The following UGT1A10 variants were observed in gnomAD, a reference collection of about 807,000 sequenced individuals.
UGT1A10 encodes UDP-glucuronosyltransferase 1A10.
In UGT1A10, 49 loss-of-function variants were observed where a neutral mutation model predicts 45.8. The ratio of observed to expected loss-of-function variants is 1.07; its 90% CI spans 0.85 to 1.36. UGT1A10 has a LOEUF of 1.36. Among genes scored for constraint, UGT1A10 ranks in the 40% most tolerant of loss-of-function variants. The pLI is 0.00. For missense variants in UGT1A10, 745 were observed against 668.6 expected (o/e 1.11, Z -1.26); for synonymous variants, 284 against 249.7 (o/e 1.14, Z -1.29).
chr2:233,659,089 T>C (rs1001398226), intron 1 of UGT1A10, among the ~76,000 whole-genome samples: 32 of 152,228 alleles, frequency 2.1e-4, no homozygotes, highest in African/African-American at 7.7e-4. Context: ...ATCTCTATAT[T>C]CAGATCTCTC....
intron 1 of UGT1A10, chr2:233,743,979 A>C (rs1692622611): frequency 3.1e-6 from 4 of 1,306,002 alleles, no homozygotes; most frequent in African/African-American, 1.5e-5. Flanking sequence ...GCCAGCACCC[A>C]GGCGCAGGCC....
chr2:233,738,870 C>T (rs1316553020), intron 1 of UGT1A10: 1 of 152,192 alleles, frequency 6.6e-6, no homozygotes, highest in Admixed American at 6.5e-5. Context: ...GAAAATGGCT[C>T]CAGGGCATGT....
chr2:233,680,793 C>T (rs1420831163), intron 1 of UGT1A10, among the ~76,000 whole-genome samples: 1 of 152,072 alleles, frequency 6.6e-6, no homozygotes, highest in Non-Finnish European at 1.5e-5. Flanking sequence ...GGGGTGGGCC[C>T]ATAGCAAAGG....
chr2:233,673,198 C>T (rs1158331466), intron 1 of UGT1A10, among the ~76,000 whole-genome samples: 1 of 152,126 alleles, frequency 6.6e-6, no homozygotes. Flanking sequence ...TAAATTCTCA[C>T]ACCTATTTTG....
At chr2:233,646,977 A>G (rs2073622658) in intron 1 of UGT1A10, among the ~76,000 whole-genome samples, 1 of 152,240 alleles carries the variant, frequency 6.6e-6, no homozygotes, top group Non-Finnish European at 1.5e-5. Context: ...ACAGAGGTTT[A>G]ATTGACTTAG....
intron 1 of UGT1A10, among the ~76,000 whole-genome samples, chr2:233,688,311 G>A (rs552862913): frequency 3.3e-5 from 5 of 152,302 alleles, no homozygotes; most frequent in African/African-American, 1.2e-4. Context: ...CCATTCATCA[G>A]TTGGTGGACA....
intron 1 of UGT1A10, among the ~76,000 whole-genome samples, chr2:233,737,264 C>T (rs890532000): frequency 3.3e-5 from 5 of 152,196 alleles, no homozygotes; most frequent in South Asian, 2.1e-4. Flanking sequence ...TCAGCAATGG[C>T]GGACACCCCT....
At chr2:233,713,913 A>G in intron 1 of UGT1A10, 1 of 1,612,556 alleles carries the variant, frequency 6.2e-7, no homozygotes, top group Non-Finnish European at 8.5e-7. Context: ...CTTTTTAAAA[A>G]ATGTATTTAC....
At chr2:233,677,182 C>A (rs1451476805) in intron 1 of UGT1A10, among the ~76,000 whole-genome samples, 1 of 152,104 alleles carries the variant, frequency 6.6e-6, no homozygotes, top group Non-Finnish European at 1.5e-5. Context: ...ATTAACATAT[C>A]TTTTTATTTA....
At chr2:233,761,908 A>G (rs535316155) in intron 1 of UGT1A10, among the ~76,000 whole-genome samples, 1 of 152,320 alleles carries the variant, frequency 6.6e-6, no homozygotes, top group South Asian at 2.1e-4. Flanking sequence ...TTGGCTGAGG[A>G]TCTACTGGCA....
At chr2:233,692,661 G>A (rs922876632) in intron 1 of UGT1A10, among the ~76,000 whole-genome samples, 2 of 152,176 alleles carry the variant, frequency 1.3e-5, no homozygotes, top group Admixed American at 6.5e-5. Flanking sequence ...CAGCAAGTTC[G>A]GGATAGAGAA....
chr2:233,637,933 T>C lies in UGT1A10; in HGVS notation c.855+556T>C, dbSNP rs530669616. Among the ~76,000 whole-genome samples the C allele has an allele frequency of 2.0e-5, 3 of 152,332 alleles. No individual in the cohort carries two copies. In the East Asian group the frequency reaches 5.8e-4, roughly 29 times the overall value. ...TTAATAATTGCATAAAATTCTTTACTTTGGATACAATGTAGTTTTTTAACC... is the reference window on the plus strand; with the variant it reads ...TTAATAATTGCATAAAATTCTTTACCTTGGATACAATGTAGTTTTTTAACC... On this transcript the variant is annotated intron_variant, in intron 1 of 4. Transcript: ENST00000344644.
At position 233,769,854 on chromosome 2, in the gene UGT1A10, T is replaced by G; in HGVS notation, c.1295+1415T>G. ...ACCTGGGCAACAGAGTGAGACCCTG[T>G]CTCAAAAAAAAAAAAAAAAATGAAA... On this transcript the variant is annotated intron_variant, in intron 4 of 4. Coordinates refer to ENST00000344644, the MANE Select transcript of UGT1A10 (RefSeq NM_019075.4). This position sits in a 1 kb window ranked among gnomAD's most constrained non-coding sequence, Gnocchi z 4.4. The G allele has an allele frequency of 2.3e-6, 1 of 426,362 alleles. No homozygotes were observed. Among genetic ancestry groups the G allele is most frequent in the Non-Finnish European group, 3.7e-6 (1 of 266,728 alleles). The allele number at this position is 426,362 out of a possible 1,614,324, so 26.4% of individuals were successfully genotyped here.
rs774677126 is a variant in UGT1A10, at chr2:233,772,538, C to T, written c.1572C>T (p.Ala524=). The change falls in exon 5 of 5, where the codon GCC becomes GCT. Residue 524 remains alanine (A), a synonymous_variant. Coordinates refer to ENST00000344644, the MANE Select transcript of UGT1A10 (RefSeq NM_019075.4). ...GGAAAAAAGGGCGAGTTAAGAAAGC[C>T]CACAAATCCAAGACCCATTGAGAAG... ...CLGKKGRVKK[A]HKSKTH is the part of the protein sequence containing the mutation. 4 of 1,614,040 alleles carry T rather than the reference C, an allele frequency of 2.5e-6. No individual in the cohort carries two copies. The highest frequency in any genetic ancestry group is 3.4e-6 in the Non-Finnish European group (4 of 1,179,978).
At chr2:233,693,328 TCAGA>T (rs1300853040) in intron 1 of UGT1A10, 5 of 1,614,230 alleles carry the variant, frequency 3.1e-6, no homozygotes, top group Admixed American at 1.7e-5. Flanking sequence ...TAACTGCTCC[TCAGA>T]CAGAGTACAG....
chr2:233,699,798 C>T (rs1205226155), intron 1 of UGT1A10, among the ~76,000 whole-genome samples: 1 of 152,194 alleles, frequency 6.6e-6, no homozygotes, highest in Non-Finnish European at 1.5e-5. Flanking sequence ...CTCTCATATT[C>T]TGGAGTCATC....
intron 1 of UGT1A10, chr2:233,742,614 C>T (rs1692039877): frequency 6.6e-6 from 1 of 151,940 alleles, no homozygotes; most frequent in Admixed American, 6.5e-5. Context: ...TGGAGAACCA[C>T]GTTCAGGCTG....
intron 1 of UGT1A10, among the ~76,000 whole-genome samples, chr2:233,698,597 G>C (rs966031058): frequency 6.6e-6 from 1 of 152,070 alleles, no homozygotes; most frequent in East Asian, 1.9e-4. Context: ...CAAGAAATTC[G>C]GATTAATAAA....
chr2:233,769,809 C>A lies in UGT1A10; in HGVS notation c.1295+1370C>A. On this transcript the variant is annotated intron_variant, in intron 4 of 4. Transcript: ENST00000344644. This position sits in a 1 kb window ranked among gnomAD's most constrained non-coding sequence, Gnocchi z 4.4. Reference sequence around the variant, plus strand: ...GTTGGAGGCTGCTATGAGCCGTGATCATGCCACTGCACTCCAGCAACCTGG... The same window carrying A: ...GTTGGAGGCTGCTATGAGCCGTGATAATGCCACTGCACTCCAGCAACCTGG... 4.2e-6 allele frequency: 4 copies of A among 962,960 alleles called. No homozygotes were observed. The highest frequency in any genetic ancestry group is 3.0e-5 in the East Asian group (1 of 33,100). 59.7% of individuals were successfully genotyped at this position (962,960 alleles called of 1,614,324 possible). A position where few individuals can be genotyped will look rare whatever the true frequency, so the allele number is the denominator to read the frequency against.
Sources: allele counts gnomAD v4.1 joint callset (sites outside exome capture counted in the v4.1 genomes callset), GRCh38; gene constraint gnomAD v4.1.1; non-coding constraint Gnocchi (gnomAD v3.1); transcripts MANE v1.5; gene names NCBI Gene and HGNC (gene_info 2026-07-23, HGNC 2026-07-21).